C3orf22: variants seen among roughly 807,000 people sequenced by gnomAD.
C3orf22 encodes the protein chromosome 3 open reading frame 22.
In C3orf22, 7 loss-of-function variants were observed where a neutral mutation model predicts 10.8. The ratio of observed to expected loss-of-function variants is 0.65; its 90% confidence interval spans 0.37 to 1.22. The LOEUF (loss-of-function observed/expected upper bound fraction) is 1.22, where lower values mean the gene tolerates loss of function less well. Among genes scored for constraint, C3orf22 ranks in the 50% most tolerant of loss-of-function variants. C3orf22 has a pLI of 0.02. For synonymous variants in C3orf22, 79 were observed against 78.9 expected, an observed-to-expected ratio of 1.00 and a Z score of 0.00; for missense variants, 173 against 177.0, an observed-to-expected ratio of 0.98 and a Z score of 0.13.
downstream of C3orf22, among the ~76,000 whole-genome samples, chr3:126,546,995 T>C (rs80123876): frequency 0.029 from 4,477 of 152,336 alleles, 92 homozygotes; most frequent in African/African-American, 0.056. Context: ...TGGATCCTTT[T>C]CTGTGGCAGT....
downstream of C3orf22, among the ~76,000 whole-genome samples, chr3:126,548,971 G>T (rs1937115843): frequency 1.3e-5 from 2 of 152,168 alleles, no homozygotes; most frequent in Non-Finnish European, 2.9e-5. Flanking sequence ...GGAACTCCAA[G>T]GTGACTTTCT....
downstream of C3orf22, among the ~76,000 whole-genome samples, chr3:126,545,090 A>C (rs4679259): frequency 1 from 152,063 of 152,356 alleles, 75,887 homozygotes; most frequent in Middle Eastern, 1. Flanking sequence ...ACTAGAGGAT[A>C]CAAGAAAGAC....
chr3:126,541,647 G>C (rs981888051), intron 4 of C3orf22: 2 of 1,258,126 alleles, frequency 1.6e-6, no homozygotes, highest in African/African-American at 3.2e-5. Context: ...CCCAATTCCC[G>C]GGCGCATCCC....
chr3:126,534,366 A>T (rs976675028), intron 4 of C3orf22, among the ~76,000 whole-genome samples: 1 of 152,038 alleles, frequency 6.6e-6, no homozygotes, highest in African/African-American at 2.4e-5. Flanking sequence ...TAATAGTTCT[A>T]GGAAAACTGA....
intron 3 of C3orf22, 126 bp from the exon 4 acceptor site, chr3:126,550,204 G>T: frequency 1.9e-6 from 2 of 1,054,138 alleles, no homozygotes; most frequent in Non-Finnish European, 1.4e-6. Context: ...TCCCAACCAG[G>T]CTTGACCTGG....
rs570305287 is a variant in C3orf22, at chr3:126,552,000, C to T, written c.212G>A (p.Arg71Gln). ...RLVPTRSIPV[R>Q]GLGAPDFTSP... Reference sequence around the variant, plus strand: ...TGGCATCAGGGCAGGGACTTACCCTCGGACTGGGATGGACCTCGTTGGCAC... The same window carrying T: ...TGGCATCAGGGCAGGGACTTACCCTTGGACTGGGATGGACCTCGTTGGCAC... Residue 71 changes from arginine to glutamine, a missense_variant, in exon 3 of 4, where the codon CGA becomes CAA. Coordinates refer to ENST00000318225, the MANE Select transcript of C3orf22 (RefSeq NM_152533.3). The T allele has an allele frequency of 8.1e-6, 13 of 1,608,600 alleles. No homozygotes were observed. The highest frequency in any genetic ancestry group is 4.4e-5 in the South Asian group (4 of 90,704).
chr3:126,557,342 C>T (rs971608623), intron 1 of C3orf22, among the ~76,000 whole-genome samples: 2 of 152,240 alleles, frequency 1.3e-5, no homozygotes, highest in African/African-American at 2.4e-5. Flanking sequence ...TACTACCACA[C>T]CTGGCATGAT....
intron 4 of C3orf22, among the ~76,000 whole-genome samples, chr3:126,537,253 C>G (rs1560140980): frequency 6.6e-6 from 1 of 152,318 alleles, no homozygotes; most frequent in East Asian, 1.9e-4. Context: ...GGCCAAGCGC[C>G]ACAGGCAGAG....
chr3:126,555,976 C>T (rs915964980), intron 1 of C3orf22, among the ~76,000 whole-genome samples: 4 of 152,204 alleles, frequency 2.6e-5, no homozygotes, highest in Non-Finnish European at 5.9e-5. Flanking sequence ...ATCGGGACAG[C>T]CCAGCTCACA....
intron 4 of C3orf22, chr3:126,536,266 C>T: frequency 1.2e-6 from 2 of 1,613,114 alleles, no homozygotes; most frequent in Non-Finnish European, 1.7e-6. Flanking sequence ...TCCTTATGCC[C>T]ACAGCATTTG....
intron 4 of C3orf22, among the ~76,000 whole-genome samples, chr3:126,534,767 C>T (rs1400866570): frequency 4.0e-5 from 6 of 150,890 alleles, no homozygotes; most frequent in Admixed American, 3.9e-4. Flanking sequence ...AGACAGACAG[C>T]ATCCCTGTCC....
chr3:126,536,896 A>AACACACACACACACACACAC (rs10670471), intron 4 of C3orf22, among the ~76,000 whole-genome samples: 1 of 140,398 alleles, frequency 7.1e-6, no homozygotes, highest in African/African-American at 2.7e-5. Flanking sequence ...CACACACACA[A>AACACACACACACACACACAC]ACACACACAC....
chr3:126,547,644 C>T (rs974332715), downstream of C3orf22, among the ~76,000 whole-genome samples: 2 of 152,184 alleles, frequency 1.3e-5, no homozygotes, highest in Admixed American at 6.5e-5. Flanking sequence ...CTGGGCCCTG[C>T]CTATAGTGCA....
At position 126,542,522 on chromosome 3, in the gene C3orf22, A is replaced by G. The variant is rs747705774; in HGVS notation, c.286+7015T>C. The G allele has an allele frequency of 4.3e-5, 66 of 1,545,292 alleles. No individual in the cohort carries two copies. The East Asian group carries it at 1.2e-3, about 28-fold the overall frequency. On this transcript the variant is annotated intron_variant and NMD_transcript_variant, in intron 4 of 5. Coordinates refer to the C3orf22 transcript ENST00000505070. ...CCAGCGGCGCCTCTTCGACCTCTAC[A>G]AGATGGACTTCCTGCTTTTCAACTA...
intron 4 of C3orf22, among the ~76,000 whole-genome samples, chr3:126,535,565 CAG>C (rs1936770910): frequency 7.2e-6 from 1 of 138,630 alleles, no homozygotes; most frequent in Non-Finnish European, 1.5e-5. Context: ...GGGAGACAGA[CAG>C]ACAGACAGCA....
Position 126,550,098 on chromosome 3 carries a change from C to T in C3orf22, c.216-20G>A. 1 of 1,612,500 alleles carries T rather than the reference C, an allele frequency of 6.2e-7. No homozygotes were observed. The highest frequency in any genetic ancestry group is 1.7e-4 in the Middle Eastern group (1 of 6,012). On this transcript the variant is annotated intron_variant, in intron 3 of 3. Transcript: ENST00000318225. ...CCGAGCCTAGAGAAGCCACACAGAG[C>T]CACGCCTGGCCTTCAGGACCCCTGC...
At chr3:126,542,239 G>C (rs1247789344) in intron 4 of C3orf22, 67 of 1,528,796 alleles carry the variant, frequency 4.4e-5, no homozygotes, top group Non-Finnish European at 5.8e-5. Context: ...CGGAGTTCCT[G>C]GCCTACCTGC....
At chr3:126,543,677 TGA>T (rs1454775721) in intron 4 of C3orf22, among the ~76,000 whole-genome samples, 4 of 148,198 alleles carry the variant, frequency 2.7e-5, no homozygotes, top group African/African-American at 1.0e-4. Flanking sequence ...AGTATATGAG[TGA>T]GAGTGTGCAT....
chr3:126,549,263 A>C (rs551733282), downstream of C3orf22, among the ~76,000 whole-genome samples: 583 of 121,668 alleles, frequency 4.8e-3, 9 homozygotes, highest in African/African-American at 0.013. Flanking sequence ...CCCCCCCCCC[A>C]CACACACACA....
Sources: allele counts gnomAD v4.1 joint callset (sites outside exome capture counted in the v4.1 genomes callset), GRCh38; gene constraint gnomAD v4.1.1; transcripts MANE v1.5; gene names NCBI Gene and HGNC (gene_info 2026-07-23, HGNC 2026-07-21).